Variants in STX17 observed in about 807,000 individuals in gnomAD.
The protein encoded by STX17 is syntaxin-17.
STX17 carries 29 observed loss-of-function variants against 35.9 expected under a neutral mutation model. The ratio of observed to expected loss-of-function variants is 0.81; its 90% confidence interval spans 0.60 to 1.10. The LOEUF (loss-of-function observed/expected upper bound fraction) is 1.10. Ranked by LOEUF, STX17 falls within the 50% of genes least tolerant of loss-of-function variation. The pLI, the probability that STX17 is intolerant of heterozygous loss-of-function variation, is 0.00. For synonymous variants in STX17, 92 were observed against 118.3 expected (o/e 0.78, Z 1.44); for missense variants, 312 against 352.3 (o/e 0.89, Z 0.92).
intron 3 of STX17, among the ~76,000 whole-genome samples, chr9:99,930,192 T>C (rs928459441): frequency 2.0e-5 from 3 of 152,110 alleles, no homozygotes; most frequent in Non-Finnish European, 4.4e-5. Flanking sequence ...ATTACAGGCA[T>C]GAGTCATCGC....
At chr9:99,928,956 T>A in intron 3 of STX17, 113 bp downstream of exon 3, 1 of 848,654 alleles carries the variant, frequency 1.2e-6, no homozygotes, top group Non-Finnish European at 1.8e-6. Context: ...TTGTTACTAT[T>A]TACTTGAGGA....
chr9:99,913,672 T>C (rs944062607), intron 1 of STX17, among the ~76,000 whole-genome samples: 15 of 152,214 alleles, frequency 9.9e-5, no homozygotes. Context: ...GTGGATGGTC[T>C]CTTTTGGTAA....
chr9:99,928,785 G>A lies in STX17; in HGVS notation c.131G>A (p.Arg44Lys). 6.2e-7 allele frequency: 1 copy of A among 1,613,310 alleles called. No homozygotes were observed. Among genetic ancestry groups the A allele is most frequent in the Non-Finnish European group, 8.5e-7 (1 of 1,179,490 alleles). ...CTTCTTTCTTTTATATAGTATCAAAGGTGCAGAATCTGGGACAAGTTGCAT... is the reference window on the plus strand; with the variant it reads ...CTTCTTTCTTTTATATAGTATCAAAAGTGCAGAATCTGGGACAAGTTGCAT... ...KHQINIEKYQ[R>K]CRIWDKLHEE... The change falls in exon 3 of 8, where the codon AGG becomes AAG. Residue 44 changes from arginine to lysine, a missense_variant. Coordinates refer to ENST00000259400, the MANE Select transcript of STX17 (RefSeq NM_017919.3).
intron 2 of STX17, among the ~76,000 whole-genome samples, chr9:99,919,837 A>G (rs1828855078): frequency 6.6e-6 from 1 of 152,230 alleles, no homozygotes; most frequent in South Asian, 2.1e-4. Context: ...AAGATAGGAA[A>G]TAGTCAAAAA....
intron 1 of STX17, among the ~76,000 whole-genome samples, chr9:99,911,110 A>G (rs1587907416): frequency 6.6e-6 from 1 of 150,774 alleles, no homozygotes; most frequent in Non-Finnish European, 1.5e-5. Context: ...ATCTGGGTTC[A>G]CCGCAACCTC....
chr9:99,955,995 C>A lies in STX17; in HGVS notation c.416-3922C>A, dbSNP rs974620075. 2.0e-5 allele frequency among the ~76,000 whole-genome samples: 3 copies of A among 152,062 alleles called. No homozygotes were observed. In the South Asian group the frequency reaches 6.2e-4, roughly 32 times the overall value. ...GTCACTGAGGTAGTGATTTTAAATG[C>A]AAGCTGGAATAAATGAATTATGGAA... On this transcript the variant is annotated intron_variant, in intron 4 of 7. Coordinates refer to ENST00000259400, the MANE Select transcript of STX17 (RefSeq NM_017919.3).
In STX17 at chr9:99,971,933, G is replaced by T. The variant is rs1204135732; in HGVS notation, c.*3260G>T. 3.9e-5 allele frequency among the ~76,000 whole-genome samples: 6 copies of T among 152,178 alleles called. No individual in the cohort carries two copies. The highest frequency in any genetic ancestry group is 5.9e-5 in the Non-Finnish European group (4 of 68,040). ...CCAGCTACATGGGAAGCTGAAGTGGGAGGATCACTTGAACTCAGGAGCAGC... is the reference window on the plus strand; with the variant it reads ...CCAGCTACATGGGAAGCTGAAGTGGTAGGATCACTTGAACTCAGGAGCAGC... On this transcript the variant is annotated 3_prime_UTR_variant, in exon 8 of 8. Coordinates refer to ENST00000259400, the MANE Select transcript of STX17 (RefSeq NM_017919.3).
At chr9:99,943,290 C>T (rs1008034737) in intron 3 of STX17, among the ~76,000 whole-genome samples, 5 of 151,416 alleles carry the variant, frequency 3.3e-5, no homozygotes, top group African/African-American at 1.2e-4. Flanking sequence ...CATACCACCT[C>T]GCCCGGCTGA....
chr9:99,967,295 G>T (rs548138296), intron 6 of STX17: 92 of 162,526 alleles, frequency 5.7e-4, no homozygotes, highest in African/African-American at 1.4e-3. Flanking sequence ...ATTTTGTTGG[G>T]TTTTTTTTTT....
chr9:99,931,599 C>T (rs1173702304), intron 3 of STX17, among the ~76,000 whole-genome samples: 10 of 151,780 alleles, frequency 6.6e-5, no homozygotes, highest in African/African-American at 2.4e-5. Flanking sequence ...TGCTTTCACA[C>T]GGTAACAGCA....
At chr9:99,923,848 C>T (rs1828936499) in intron 2 of STX17, among the ~76,000 whole-genome samples, 1 of 152,142 alleles carries the variant, frequency 6.6e-6, no homozygotes, top group African/African-American at 2.4e-5. Context: ...AAGGATATTA[C>T]AAGGGATACA....
At chr9:99,948,187 C>T (rs1248176947) in intron 3 of STX17, among the ~76,000 whole-genome samples, 2 of 151,976 alleles carry the variant, frequency 1.3e-5, no homozygotes, top group Non-Finnish European at 2.9e-5. Flanking sequence ...CTGTTGAGCA[C>T]TTAAAATGTA....
intron 3 of STX17, among the ~76,000 whole-genome samples, chr9:99,935,650 A>G (rs911301122): frequency 6.6e-6 from 1 of 152,188 alleles, no homozygotes; most frequent in Non-Finnish European, 1.5e-5. Flanking sequence ...ACAAACATGT[A>G]ATATGTTAGA....
rs1829045994 is a variant in STX17, at chr9:99,928,831, AC to A, written c.178del (p.Arg60ValfsTer18). ...TGCATGAAGAGCATATCAATGCAGGACGTACAGTTCAGGTAAGGCTATTATA... is the reference window on the plus strand; with the variant it reads ...TGCATGAAGAGCATATCAATGCAGGAGTACAGTTCAGGTAAGGCTATTATA... ...KLHEEHINAG[R>X]TVQQLRSNIR... On this transcript the variant is annotated frameshift_variant, in exon 3 of 8. Transcript: ENST00000259400. LOFTEE classifies it high-confidence loss of function. The A allele has an allele frequency of 6.2e-7, 1 of 1,613,392 alleles. No homozygotes were observed. Among genetic ancestry groups the A allele is most frequent in the South Asian group, 1.1e-5 (1 of 91,046 alleles).
At chr9:99,914,221 C>G (rs1828720016) in intron 1 of STX17, 1 of 152,182 alleles carries the variant, frequency 6.6e-6, no homozygotes, top group Admixed American at 6.6e-5. Flanking sequence ...ACATACTCAA[C>G]TTAAAATTTT....
At chr9:99,916,215 TAG>T in intron 2 of STX17, 1 of 375,438 alleles carries the variant, frequency 2.7e-6, no homozygotes, top group Admixed American at 3.3e-5. Context: ...AGAGGTTGCA[TAG>T]AACCTACCAT....
At chr9:99,942,772 A>G (rs1829392957) in intron 3 of STX17, among the ~76,000 whole-genome samples, 1 of 152,298 alleles carries the variant, frequency 6.6e-6, no homozygotes, top group South Asian at 2.1e-4. Flanking sequence ...ATTACTAGGC[A>G]TAATGATTTG....
At chr9:99,907,592 G>A (rs889459292) in intron 1 of STX17, among the ~76,000 whole-genome samples, 5 of 152,180 alleles carry the variant, frequency 3.3e-5, no homozygotes, top group African/African-American at 1.2e-4. Flanking sequence ...CAGTGAATAC[G>A]ATGGCAGTTC....
At chr9:99,929,654 A>G (rs1829070675) in intron 3 of STX17, among the ~76,000 whole-genome samples, 2 of 151,202 alleles carry the variant, frequency 1.3e-5, no homozygotes, top group South Asian at 2.1e-4. Context: ...TTGCTCTCCT[A>G]CTTCCCTTCC....
Sources: allele counts gnomAD v4.1 joint callset (sites outside exome capture counted in the v4.1 genomes callset), GRCh38; gene constraint gnomAD v4.1.1; transcripts MANE v1.5; gene names NCBI Gene and HGNC (gene_info 2026-07-23, HGNC 2026-07-21).